The following PCSK2 variants were observed in gnomAD, a reference collection of about 807,000 sequenced individuals.
PCSK2 encodes neuroendocrine convertase 2.
PCSK2 carries 14 observed loss-of-function variants against 69.7 expected under a neutral mutation model. The ratio of observed to expected loss-of-function variants is 0.20; its 90% CI spans 0.13 to 0.31. The LOEUF is 0.31. Ranked by LOEUF, PCSK2 falls within the 10% of genes least tolerant of loss-of-function variation. The pLI is 1.00. For missense variants in PCSK2, 544 were observed against 842.5 expected, an observed-to-expected ratio of 0.65 and a Z score of 4.39; for synonymous variants, 307 against 320.7, an observed-to-expected ratio of 0.96 and a Z score of 0.46.
intron 9 of PCSK2, among the ~76,000 whole-genome samples, chr20:17,454,392 C>G (rs1187989043): frequency 6.6e-6 from 1 of 152,182 alleles, no homozygotes; most frequent in African/African-American, 2.4e-5. Flanking sequence ...ATGGACTTTT[C>G]TGGATCCATA....
At position 17,297,438 on chromosome 20, in the gene PCSK2, C is replaced by T. The variant is rs1224284055; in HGVS notation, c.282+37094C>T. ...AGAGCTATGCATCCTCGAGCATCAT[C>T]TGGGGAACTAGGAATGGACTTATCA... is the stretch of plus-strand genomic sequence containing the variant. On this transcript the variant is annotated intron_variant, in intron 2 of 11. Coordinates refer to ENST00000262545, the MANE Select transcript of PCSK2 (RefSeq NM_002594.5). 2.0e-5 allele frequency among the ~76,000 whole-genome samples: 3 copies of T among 152,186 alleles called. No homozygotes were observed. In the East Asian group the frequency reaches 5.8e-4, roughly 29 times the overall value.
intron 5 of PCSK2, among the ~76,000 whole-genome samples, chr20:17,407,235 A>G (rs904401247): frequency 5.3e-5 from 8 of 152,136 alleles, no homozygotes; most frequent in Non-Finnish European, 1.0e-4. Flanking sequence ...TGGACATCCC[A>G]GCGTGCCTCT....
At chr20:17,311,954 G>A (rs776139981) in intron 2 of PCSK2, among the ~76,000 whole-genome samples, 7 of 152,116 alleles carry the variant, frequency 4.6e-5, no homozygotes, top group Admixed American at 6.5e-5. Flanking sequence ...CATTCAGTAT[G>A]TGCCCATGTC....
chr20:17,307,614 T>C lies in PCSK2; in HGVS notation c.282+47270T>C, dbSNP rs559818702. ...TGAGAGAATTGATGAATGCCTTCTATCCCTTCACCAAGATTGTATTGAATC... is the reference window on the plus strand; with the variant it reads ...TGAGAGAATTGATGAATGCCTTCTACCCCTTCACCAAGATTGTATTGAATC... On this transcript the variant is annotated intron_variant, in intron 2 of 11. Transcript: ENST00000262545. 3.3e-5 allele frequency among the ~76,000 whole-genome samples: 5 copies of C among 152,314 alleles called. No homozygotes were observed. In the South Asian group the frequency reaches 1.0e-3, roughly 32 times the overall value.
chr20:17,392,038 A>C (rs780834993), intron 5 of PCSK2, among the ~76,000 whole-genome samples: 7 of 152,308 alleles, frequency 4.6e-5, no homozygotes, highest in Non-Finnish European at 5.9e-5. Context: ...CCTGTCAAGG[A>C]GTCCCAAATA....
At chr20:17,302,214 T>G (rs1989107592) in intron 2 of PCSK2, among the ~76,000 whole-genome samples, 1 of 152,136 alleles carries the variant, frequency 6.6e-6, no homozygotes, top group African/African-American at 2.4e-5. Context: ...ACTAAATTTT[T>G]CTTAATCTTC....
rs774361715 is a variant in PCSK2 at position 17,433,812 on chromosome 20, T to TCTCTCTCCCC, written c.710-2895_710-2894insTCTCTCCCCC. Reference sequence around the variant, plus strand: ...CTCTCTCTCTCTCTCTCTCTCTCTCTCCCCCCACTTCCTTCCCTCCTCCTC... The same window carrying TCTCTCTCCCC: ...CTCTCTCTCTCTCTCTCTCTCTCTCTCTCTCTCCCCCCCCCCACTTCCTTCCCTCCTCCTC... On this transcript the variant is annotated intron_variant, in intron 7 of 11. Transcript: ENST00000262545. Among the ~76,000 whole-genome samples, 34 of 104,166 alleles carry TCTCTCTCCCC rather than the reference T, an allele frequency of 3.3e-4. 1 individual carries two copies. The highest frequency in any genetic ancestry group is 1.3e-3 in the African/African-American group (32 of 24,290). The allele number at this position is 104,166 out of a possible 152,430, so 68.3% of individuals were successfully genotyped here.
intron 2 of PCSK2, 73 bp downstream of exon 2, chr20:17,260,417 GC>G (rs1387370623): frequency 5.0e-6 from 5 of 1,009,954 alleles, no homozygotes; most frequent in Non-Finnish European, 7.9e-6. Flanking sequence ...GTGTGGAGGG[GC>G]TGGCAGGGAA....
intron 5 of PCSK2, among the ~76,000 whole-genome samples, chr20:17,392,691 A>T (rs1197881252): frequency 1.3e-5 from 2 of 152,202 alleles, no homozygotes; most frequent in African/African-American, 4.8e-5. Flanking sequence ...TACAGTATAC[A>T]GCCTTTGAGT....
rs113487407 is a variant in PCSK2 at position 17,481,413 on chromosome 20, A to AAAAAAAAAAAGAG, written c.1431-170_1431-169insAAAAAAAAAGAGA. 9.5e-5 allele frequency among the ~76,000 whole-genome samples: 11 copies of AAAAAAAAAAAGAG among 115,820 alleles called. 1 individual carries two copies. Among genetic ancestry groups the AAAAAAAAAAAGAG allele is most frequent in the African/African-American group, 2.3e-4 (6 of 25,814 alleles). 76.0% of individuals were successfully genotyped at this position (115,820 alleles called of 152,430 possible). The stretch of plus-strand genomic sequence containing the variant: ...CAAAAAAAAAAAAAAAAAAAAAAAA[A>AAAAAAAAAAAGAG]AGAGATAAGTAACTTACTCAGGCTC... On this transcript the variant is annotated intron_variant, in intron 11 of 11. Coordinates refer to ENST00000262545, the MANE Select transcript of PCSK2 (RefSeq NM_002594.5).
intron 1 of PCSK2, among the ~76,000 whole-genome samples, chr20:17,230,716 T>C (rs552810792): frequency 1.3e-5 from 2 of 152,374 alleles, no homozygotes; most frequent in African/African-American, 4.8e-5. Flanking sequence ...AATGACATAC[T>C]ATATCTTTAT....
intron 2 of PCSK2, among the ~76,000 whole-genome samples, chr20:17,262,494 C>A (rs1402990102): frequency 6.6e-6 from 1 of 151,470 alleles, no homozygotes; most frequent in African/African-American, 2.4e-5. Context: ...ATGATGACTG[C>A]CTTTTTCCAA....
intron 2 of PCSK2, among the ~76,000 whole-genome samples, chr20:17,311,472 T>C (rs1337733264): frequency 6.6e-6 from 1 of 152,142 alleles, no homozygotes; most frequent in Non-Finnish European, 1.5e-5. Context: ...ACTGAAGTAG[T>C]AAGCTGTTGG....
At chr20:17,228,714 T>C (rs1986027093) in intron 1 of PCSK2, among the ~76,000 whole-genome samples, 1 of 152,106 alleles carries the variant, frequency 6.6e-6, no homozygotes, top group Non-Finnish European at 1.5e-5. Flanking sequence ...GCCTCCCGCC[T>C]CTCTCCCAGC....
At chr20:17,459,939 A>C (rs1199998563) in intron 10 of PCSK2, among the ~76,000 whole-genome samples, 1 of 152,242 alleles carries the variant, frequency 6.6e-6, no homozygotes, top group Non-Finnish European at 1.5e-5. Flanking sequence ...GTTGGTATTC[A>C]GTCAAGATTT....
At chr20:17,286,504 A>G (rs1249506258) in intron 2 of PCSK2, among the ~76,000 whole-genome samples, 1 of 152,154 alleles carries the variant, frequency 6.6e-6, no homozygotes, top group Non-Finnish European at 1.5e-5. Context: ...CACACCTAGA[A>G]TGTGTCAGAT....
chr20:17,445,986 C>T (rs2032692238), intron 8 of PCSK2, among the ~76,000 whole-genome samples: 1 of 152,224 alleles, frequency 6.6e-6, no homozygotes, highest in Admixed American at 6.5e-5. Context: ...AGTCCTACAT[C>T]TCAGGAAACC....
intron 5 of PCSK2, among the ~76,000 whole-genome samples, chr20:17,385,046 AAATAAAGTTTTAT>A (rs1243014562): frequency 6.6e-6 from 1 of 152,234 alleles, no homozygotes; most frequent in Non-Finnish European, 1.5e-5. Context: ...CTGTTTTTGT[AAATAAAGTTTTAT>A]CGGAACGCAG....
intron 2 of PCSK2, among the ~76,000 whole-genome samples, chr20:17,267,363 A>G (rs1327998256): frequency 1.3e-5 from 2 of 152,214 alleles, no homozygotes; most frequent in East Asian, 1.9e-4. Flanking sequence ...AGCATCAGGA[A>G]AAGGAGAAAT....
Sources: allele counts gnomAD v4.1 joint callset (sites outside exome capture counted in the v4.1 genomes callset), GRCh38; gene constraint gnomAD v4.1.1; transcripts MANE v1.5; gene names NCBI Gene and HGNC (gene_info 2026-07-23, HGNC 2026-07-21).